Variants in SLC9A9 observed in about 807,000 individuals in gnomAD.
SLC9A9 encodes solute carrier family 9 member A9.
A neutral mutation model predicts 77.8 loss-of-function variants in SLC9A9; 62 were observed. The observed-to-expected ratio is 0.80, with a 90% confidence interval of 0.65 to 0.98. The LOEUF (loss-of-function observed/expected upper bound fraction) is 0.98, where lower values mean the gene tolerates loss of function less well. SLC9A9 is among the 50% of genes least tolerant of loss of function. The pLI is 0.00. For synonymous variants in SLC9A9, 320 were observed against 283.5 expected (o/e 1.13, Z -1.29); for missense variants, 775 against 774.9 (o/e 1.00, Z 0.00).
At chr3:143,455,150 T>C (rs1050453604) in intron 12 of SLC9A9, among the ~76,000 whole-genome samples, 8 of 152,246 alleles carry the variant, frequency 5.3e-5, no homozygotes, top group Middle Eastern at 3.2e-3. Context: ...TAGACACTTA[T>C]TCTAATACCA....
intron 14 of SLC9A9, among the ~76,000 whole-genome samples, chr3:143,298,330 C>T (rs1173414474): frequency 1.3e-5 from 2 of 152,206 alleles, no homozygotes; most frequent in Admixed American, 1.3e-4. Context: ...ACCAGGTGTC[C>T]ATCTCTGCCT....
intron 11 of SLC9A9, among the ~76,000 whole-genome samples, chr3:143,485,752 A>G (rs530269752): frequency 6.6e-6 from 1 of 152,248 alleles, no homozygotes; most frequent in East Asian, 1.9e-4. Context: ...TAAAAAAAAT[A>G]ACAGAAACTA....
chr3:143,429,567 C>T (rs529448448), intron 12 of SLC9A9, among the ~76,000 whole-genome samples: 1 of 152,322 alleles, frequency 6.6e-6, no homozygotes, highest in Admixed American at 6.5e-5. Context: ...TTTTTACATA[C>T]ACTTAGTGAA....
At chr3:143,570,828 A>T (rs1178903580) in intron 8 of SLC9A9, among the ~76,000 whole-genome samples, 1 of 152,176 alleles carries the variant, frequency 6.6e-6, no homozygotes, top group African/African-American at 2.4e-5. Flanking sequence ...TGACACAGCC[A>T]AATATTAACA....
In SLC9A9 at chr3:143,526,026, T is replaced by C. The variant is rs184555837; in HGVS notation, c.1089+26336A>G. On this transcript the variant is annotated intron_variant, in intron 9 of 15. Transcript: ENST00000316549. Reference sequence around the variant, plus strand: ...CAACAGAATTGTCCTTGAGTCTTATTACTCTGTTTTACATCTATGAATATA... The same window carrying C: ...CAACAGAATTGTCCTTGAGTCTTATCACTCTGTTTTACATCTATGAATATA... 5.4e-3 allele frequency among the ~76,000 whole-genome samples: 821 copies of C among 152,336 alleles called. 3 individuals carry two copies. The highest frequency in any genetic ancestry group is 0.044 in the South Asian group (210 of 4,822).
intron 14 of SLC9A9, among the ~76,000 whole-genome samples, chr3:143,300,294 T>TGCATGTAG (rs1227407457): frequency 1.3e-5 from 2 of 152,244 alleles, no homozygotes; most frequent in African/African-American, 4.8e-5. Context: ...CAAGAGAGAA[T>TGCATGTAG]GCATGTAGAG....
At chr3:143,618,071 T>C (rs1303879373) in intron 6 of SLC9A9, among the ~76,000 whole-genome samples, 2 of 152,104 alleles carry the variant, frequency 1.3e-5, no homozygotes, top group Admixed American at 1.3e-4. Context: ...AAATGGATCC[T>C]AGGAATATTT....
chr3:143,332,936 A>G (rs978851310), intron 14 of SLC9A9, among the ~76,000 whole-genome samples: 6 of 152,188 alleles, frequency 3.9e-5, no homozygotes, highest in Non-Finnish European at 1.5e-5. Flanking sequence ...TTAATCCCCA[A>G]TTTACAGATA....
At chr3:143,748,811 C>A (rs980208470) in intron 4 of SLC9A9, among the ~76,000 whole-genome samples, 1 of 149,332 alleles carries the variant, frequency 6.7e-6, no homozygotes, top group East Asian at 2.0e-4. Context: ...TCACGCCATT[C>A]TCCTGCCTCA....
At chr3:143,549,616 A>G (rs1016033910) in intron 9 of SLC9A9, among the ~76,000 whole-genome samples, 3 of 152,208 alleles carry the variant, frequency 2.0e-5, no homozygotes, top group African/African-American at 7.2e-5. Context: ...TTCTGTAAAA[A>G]TGAATGCTGG....
intron 13 of SLC9A9, among the ~76,000 whole-genome samples, chr3:143,380,317 G>A (rs1029140099): frequency 6.6e-6 from 1 of 152,138 alleles, no homozygotes; most frequent in African/African-American, 2.4e-5. Context: ...TAGGCTAGTA[G>A]GAAATTTTTA....
chr3:143,452,801 T>C (rs1032743713), intron 12 of SLC9A9, among the ~76,000 whole-genome samples: 12 of 151,472 alleles, frequency 7.9e-5, no homozygotes, highest in African/African-American at 2.9e-4. Flanking sequence ...GGTGCAATAA[T>C]GGTACTTTGG....
At chr3:143,763,492 C>T (rs1307364377) in intron 4 of SLC9A9, among the ~76,000 whole-genome samples, 1 of 152,140 alleles carries the variant, frequency 6.6e-6, no homozygotes, top group Admixed American at 6.6e-5. Context: ...AAAGCACAAG[C>T]CCCTTCCAGT....
intron 12 of SLC9A9, among the ~76,000 whole-genome samples, chr3:143,420,948 CAAAATCAATGTACA>C (rs1203738900): frequency 2.0e-5 from 3 of 152,038 alleles, no homozygotes; most frequent in Admixed American, 1.3e-4. Flanking sequence ...TTTCAGAATA[CAAAATCAATGTACA>C]AAAATCAATA....
intron 9 of SLC9A9, 115 bp downstream of exon 9, chr3:143,552,247 T>G (rs2036901778): frequency 1.4e-6 from 1 of 731,836 alleles, no homozygotes; most frequent in East Asian, 2.8e-5. Context: ...AATGAAGCCT[T>G]AAGCTTACAT....
intron 7 of SLC9A9, among the ~76,000 whole-genome samples, chr3:143,577,869 G>T (rs1309447161): frequency 6.6e-6 from 1 of 152,030 alleles, no homozygotes; most frequent in Non-Finnish European, 1.5e-5. Context: ...CCTTATACTT[G>T]ACATTGGCCT....
chr3:143,537,020 C>A (rs1454277048), intron 9 of SLC9A9, among the ~76,000 whole-genome samples: 1 of 152,150 alleles, frequency 6.6e-6, no homozygotes, highest in East Asian at 1.9e-4. Context: ...TCTCTAGAGT[C>A]CCAAGTCCCA....
At chr3:143,656,507 G>C (rs995157502) in intron 5 of SLC9A9, among the ~76,000 whole-genome samples, 1 of 152,080 alleles carries the variant, frequency 6.6e-6, no homozygotes, top group African/African-American at 2.4e-5. Flanking sequence ...CAAGTCTTTA[G>C]GGTGATTTAG....
At chr3:143,286,569 C>T (rs1157773408) in intron 14 of SLC9A9, among the ~76,000 whole-genome samples, 1 of 152,220 alleles carries the variant, frequency 6.6e-6, no homozygotes, top group Non-Finnish European at 1.5e-5. Context: ...ACATTCCTTC[C>T]AAATCCCAAC....
Sources: allele counts gnomAD v4.1 joint callset (sites outside exome capture counted in the v4.1 genomes callset), GRCh38; gene constraint gnomAD v4.1.1; transcripts MANE v1.5; gene names NCBI Gene and HGNC (gene_info 2026-07-23, HGNC 2026-07-21).